FBXL7: variants seen among roughly 807,000 people sequenced by gnomAD.
FBXL7 encodes the protein F-box and leucine rich repeat protein 7.
A neutral mutation model predicts 38.3 loss-of-function variants in FBXL7; 12 were observed. The observed-to-expected ratio is 0.31, with a 90% CI of 0.20 to 0.51. The LOEUF is 0.51. FBXL7 is among the 20% of genes least tolerant of loss of function. The pLI, the probability that FBXL7 is intolerant of heterozygous loss-of-function variation, is 0.98. For missense variants in FBXL7, 567 were observed against 676.4 expected, an observed-to-expected ratio of 0.84 and a Z score of 1.79; for synonymous variants, 297 against 300.9, an observed-to-expected ratio of 0.99 and a Z score of 0.13.
At chr5:15,515,413 A>G (rs1486735729) in intron 1 of FBXL7, among the ~76,000 whole-genome samples, 4 of 152,226 alleles carry the variant, frequency 2.6e-5, no homozygotes, top group Non-Finnish European at 4.4e-5. Context: ...GAATTTTTTC[A>G]GAGTTCTGCT....
intron 2 of FBXL7, among the ~76,000 whole-genome samples, chr5:15,743,468 C>T (rs1310930240): frequency 6.6e-6 from 1 of 152,214 alleles, no homozygotes; most frequent in Non-Finnish European, 1.5e-5. Flanking sequence ...CCAGGGTGTG[C>T]TGATGCAAGA....
intron 2 of FBXL7, among the ~76,000 whole-genome samples, chr5:15,823,640 G>C (rs200179500): frequency 6.6e-6 from 1 of 151,866 alleles, no homozygotes; most frequent in Admixed American, 6.6e-5. Flanking sequence ...CTAGTGGCTT[G>C]AAAGCTCTTT....
rs139390788 is a variant in FBXL7, at chr5:15,627,921, A to T, written c.127+11849A>T. On this transcript the variant is annotated intron_variant, in intron 2 of 3. Coordinates refer to ENST00000504595, the MANE Select transcript of FBXL7 (RefSeq NM_012304.5). The stretch of plus-strand genomic sequence containing the variant: ...CTTCCCTAGGTTGTTAGACTAATTA[A>T]CAAATCAGCAGAGAGAAGCACTTTA... Among the ~76,000 whole-genome samples the T allele has an allele frequency of 5.7e-3, 867 of 152,294 alleles. 9 individuals carry two copies. Among genetic ancestry groups the T allele is most frequent in the African/African-American group, 0.02 (839 of 41,570 alleles).
chr5:15,755,869 A>C (rs1375656723), intron 2 of FBXL7, among the ~76,000 whole-genome samples: 1 of 152,214 alleles, frequency 6.6e-6, no homozygotes, highest in African/African-American at 2.4e-5. Context: ...TCCAGTGCCT[A>C]GCACAGAAGA....
At position 15,932,849 on chromosome 5, in the gene FBXL7, G is replaced by A. The variant is rs146662099; in HGVS notation, c.740-3601G>A. On this transcript the variant is annotated intron_variant, in intron 3 of 3. Coordinates refer to ENST00000504595, the MANE Select transcript of FBXL7 (RefSeq NM_012304.5). ...TTCCAAAGACCCCTGGGTGCCCGGT[G>A]TCTGAATGTTCACTTCATTTTCTAC... Among the ~76,000 whole-genome samples, 643 of 152,254 alleles carry A rather than the reference G, an allele frequency of 4.2e-3. 4 individuals carry two copies. Among genetic ancestry groups the A allele is most frequent in the African/African-American group, 0.015 (623 of 41,550 alleles).
At chr5:15,534,786 A>T (rs1471582633) in intron 1 of FBXL7, among the ~76,000 whole-genome samples, 1 of 152,196 alleles carries the variant, frequency 6.6e-6, no homozygotes, top group African/African-American at 2.4e-5. Context: ...GCAGTGAATG[A>T]GAGTTCTTGT....
At chr5:15,614,376 T>C (rs1740371809) in intron 1 of FBXL7, among the ~76,000 whole-genome samples, 1 of 152,012 alleles carries the variant, frequency 6.6e-6, no homozygotes, top group African/African-American at 2.4e-5. Flanking sequence ...TTCAAGTGAT[T>C]CTTCTGCCGC....
At chr5:15,710,875 G>A (rs763619532) in intron 2 of FBXL7, among the ~76,000 whole-genome samples, 3 of 152,118 alleles carry the variant, frequency 2.0e-5, no homozygotes, top group Admixed American at 6.5e-5. Flanking sequence ...GAGTGATATG[G>A]TTTGGCTGTG....
At chr5:15,851,032 C>G (rs549828102) in intron 2 of FBXL7, among the ~76,000 whole-genome samples, 29 of 152,248 alleles carry the variant, frequency 1.9e-4, no homozygotes, top group African/African-American at 7.0e-4. Flanking sequence ...TGCTCATTCT[C>G]TTTCCTTTTG....
chr5:15,746,238 T>C (rs1272280573), intron 2 of FBXL7, among the ~76,000 whole-genome samples: 1 of 152,210 alleles, frequency 6.6e-6, no homozygotes, highest in Non-Finnish European at 1.5e-5. Context: ...CTAGACATGT[T>C]ACCTGTTACC....
chr5:15,768,510 G>A (rs1306267647), intron 2 of FBXL7, among the ~76,000 whole-genome samples: 1 of 150,576 alleles, frequency 6.6e-6, no homozygotes, highest in African/African-American at 2.4e-5. Flanking sequence ...TAGCCTGGGC[G>A]ACGGAGCGAG....
chr5:15,737,152 G>T (rs1265974406), intron 2 of FBXL7, among the ~76,000 whole-genome samples: 1 of 152,014 alleles, frequency 6.6e-6, no homozygotes, highest in African/African-American at 2.4e-5. Flanking sequence ...CTTCCCTATA[G>T]TCACCTCTCC....
At chr5:15,564,665 T>G (rs1326558754) in intron 1 of FBXL7, among the ~76,000 whole-genome samples, 1 of 152,130 alleles carries the variant, frequency 6.6e-6, no homozygotes, top group Non-Finnish European at 1.5e-5. Flanking sequence ...TTTCAGTTTC[T>G]TCTTCTCTCC....
intron 1 of FBXL7, among the ~76,000 whole-genome samples, chr5:15,606,532 G>A (rs558247046): frequency 1.6e-4 from 25 of 152,360 alleles, no homozygotes; most frequent in Non-Finnish European, 2.2e-4. Context: ...TTATTAGATG[G>A]TTTGGTGTAA....
At chr5:15,753,265 T>C (rs907403357) in intron 2 of FBXL7, among the ~76,000 whole-genome samples, 4 of 152,204 alleles carry the variant, frequency 2.6e-5, no homozygotes, top group Non-Finnish European at 5.9e-5. Context: ...AGACCATTTG[T>C]GTCTTTGAGA....
intron 2 of FBXL7, among the ~76,000 whole-genome samples, chr5:15,704,088 A>G (rs1743609122): frequency 6.6e-6 from 1 of 152,148 alleles, no homozygotes; most frequent in Non-Finnish European, 1.5e-5. Context: ...CCAGTGGTTC[A>G]GGGTGAGTAG....
At chr5:15,794,892 A>G (rs530141892) in intron 2 of FBXL7, among the ~76,000 whole-genome samples, 5 of 152,364 alleles carry the variant, frequency 3.3e-5, no homozygotes, top group Admixed American at 1.3e-4. Flanking sequence ...TTTGGTTTCA[A>G]TACAGGCCAG....
intron 2 of FBXL7, among the ~76,000 whole-genome samples, chr5:15,691,255 G>T (rs1334329509): frequency 6.6e-6 from 1 of 152,178 alleles, no homozygotes; most frequent in East Asian, 1.9e-4. Context: ...ACACACCAAG[G>T]GTTGGCCTAG....
At chr5:15,654,790 A>G (rs904956401) in intron 2 of FBXL7, among the ~76,000 whole-genome samples, 2 of 152,156 alleles carry the variant, frequency 1.3e-5, no homozygotes, top group South Asian at 4.1e-4. Flanking sequence ...AGTGGGGCTA[A>G]AATTTTATTT....
Sources: gnomAD v4.1 joint callset for allele counts (sites outside exome capture counted in the v4.1 genomes callset) on GRCh38, gnomAD v4.1.1 for gene constraint, MANE v1.5 for transcripts, NCBI Gene and HGNC (gene_info 2026-07-23, HGNC 2026-07-21) for gene names.